The following MUC13 variants were observed in gnomAD, a reference collection of about 807,000 sequenced individuals.
MUC13 encodes the protein mucin 13, cell surface associated.
A neutral mutation model predicts 48.3 loss-of-function variants in MUC13; 32 were observed. The ratio of observed to expected loss-of-function variants is 0.66; its 90% CI spans 0.50 to 0.89. The LOEUF (loss-of-function observed/expected upper bound fraction) is 0.89. Ranked by LOEUF, MUC13 falls within the 40% of genes least tolerant of loss-of-function variation. The pLI is 0.00. For synonymous variants in MUC13, 199 were observed against 224.9 expected, an observed-to-expected ratio of 0.88 and a Z score of 1.03; for missense variants, 571 against 622.8, an observed-to-expected ratio of 0.92 and a Z score of 0.88.
intron 6 of MUC13, among the ~76,000 whole-genome samples, 198 bp downstream of exon 6, chr3:124,916,119 T>A (rs947257487): frequency 6.6e-6 from 1 of 152,190 alleles, no homozygotes. Flanking sequence ...GTCAGTTTGA[T>A]GACTTGGGAC....
At chr3:124,909,485 CGT>C (rs71148156) in intron 10 of MUC13, among the ~76,000 whole-genome samples, 2,021 of 148,352 alleles carry the variant, frequency 0.014, 28 homozygotes, top group East Asian at 0.028. Flanking sequence ...TGTGTGCTTG[CGT>C]GTGTGTGTGT....
In MUC13 at chr3:124,913,589, G is replaced by T. The variant is rs1935461115; in HGVS notation, c.1057C>A (p.Pro353Thr). ...ACDCKSDLQRPNPQSPFCVAS... is the reference protein window; with the variant it reads ...ACDCKSDLQRTNPQSPFCVAS... The stretch of plus-strand genomic sequence containing the variant: ...ACGCAGAAAGGGCTCTGTGGGTTAG[G>T]CCTTTGCAGGTCAGATTTGCAATCG... Residue 353 changes from proline to threonine, a missense_variant, in exon 7 of 12, where the codon CCT becomes ACT. Transcript: ENST00000616727. 3.7e-6 allele frequency: 6 copies of T among 1,614,218 alleles called. No homozygotes were observed. The East Asian group carries it at 1.3e-4, about 36-fold the overall frequency.
At chr3:124,933,050 A>T (rs1474671386) in intron 1 of MUC13, among the ~76,000 whole-genome samples, 1 of 152,112 alleles carries the variant, frequency 6.6e-6, no homozygotes, top group Non-Finnish European at 1.5e-5. Context: ...TTTGTCCTGA[A>T]GGCTTGGACC....
chr3:124,911,976 C>A, intron 9 of MUC13, 128 bp downstream of exon 9: 2 of 1,289,172 alleles, frequency 1.6e-6, no homozygotes, highest in Non-Finnish European at 2.1e-6. Flanking sequence ...AAACTGGAGG[C>A]AGATGGTCTC....
In MUC13 at chr3:124,916,598, T is replaced by A. The variant is rs1402906456; in HGVS notation, c.801-118A>T. ...GTCCTGACCCGCTGTCCTGTCCCTA[T>A]GATTCGGACCCACATATGGAGGCCG... On this transcript the variant is annotated intron_variant, in intron 5 of 11. Transcript: ENST00000616727. The A allele has an allele frequency of 2.8e-6, 3 of 1,072,978 alleles. No individual in the cohort carries two copies. The East Asian group carries it at 7.8e-5, about 28-fold the overall frequency. 66.5% of individuals were successfully genotyped at this position (1,072,978 alleles called of 1,614,324 possible). A position where few individuals can be genotyped will look rare whatever the true frequency, so the allele number is the denominator to read the frequency against.
chr3:124,927,592 G>T lies in MUC13; in HGVS notation c.454C>A (p.Gln152Lys), dbSNP rs1322683515. Reference protein sequence around the residue: ...NEMSPTTEDNQSSGPPTGTAL... With the variant: ...NEMSPTTEDNKSSGPPTGTAL... ...GTGCCAGTGGGAGGCCCTGATGATT[G>T]ATTGTCTTCTGTGGTGGGGGACATT... is the stretch of plus-strand genomic sequence containing the variant. Residue 152 changes from glutamine (Q) to lysine (K), a missense_variant, in exon 2 of 12, where the codon CAA (glutamine) becomes AAA (lysine). Physicochemically the swap from Gln to Lys is moderately conservative, Grantham distance 53. Transcript: ENST00000616727. The T allele has an allele frequency of 6.2e-7, 1 of 1,614,098 alleles. No individual in the cohort carries two copies. Among genetic ancestry groups the T allele is most frequent in the East Asian group, 2.2e-5 (1 of 44,894 alleles).
chr3:124,916,431 T>C lies in MUC13; in HGVS notation c.850A>G (p.Asn284Asp). ...GCCAAAATTGTTACTATTGTTACAT[T>C]AACAAACTTGTCATCAGCACGCATT... The part of the protein sequence containing the change: ...SEMRADDKFV[N>D]VTIVTILAET... Residue 284 changes from asparagine (N) to aspartate (D), a missense_variant, in exon 6 of 12, where the codon AAT becomes GAT. Physicochemically the swap from Asn to Asp is conservative, Grantham distance 23. Transcript: ENST00000616727. 1.2e-6 allele frequency: 2 copies of C among 1,613,788 alleles called. No individual in the cohort carries two copies. Among genetic ancestry groups the C allele is most frequent in the Non-Finnish European group, 1.7e-6 (2 of 1,179,894 alleles).
intron 2 of MUC13, among the ~76,000 whole-genome samples, chr3:124,926,574 C>T (rs1184405149): frequency 3.3e-5 from 5 of 152,128 alleles, no homozygotes; most frequent in Non-Finnish European, 7.4e-5. Context: ...GAGGAAGCTA[C>T]CAGAAGTTAA....
At chr3:124,930,492 C>T (rs897532813) in intron 1 of MUC13, among the ~76,000 whole-genome samples, 2 of 152,062 alleles carry the variant, frequency 1.3e-5, no homozygotes, top group African/African-American at 4.8e-5. Context: ...CCAAGAGGAA[C>T]TGTAAAATAA....
chr3:124,930,119 G>A (rs545684956), intron 1 of MUC13, among the ~76,000 whole-genome samples: 112 of 152,318 alleles, frequency 7.4e-4, no homozygotes, highest in Non-Finnish European at 2.2e-4. Flanking sequence ...ATTCTCGGCC[G>A]ATGCCAAAGA....
Position 124,910,550 on chromosome 3 carries a change from T to C in MUC13, c.1253-51A>G. On this transcript the variant is annotated intron_variant, in intron 9 of 11. Transcript: ENST00000616727. Reference sequence around the variant, plus strand: ...AGTCTCCAACAAGCTGGCCCCCAACTGTCTACTGCACAGGTTCGTGTATTC... The same window carrying C: ...AGTCTCCAACAAGCTGGCCCCCAACCGTCTACTGCACAGGTTCGTGTATTC... 4 of 1,608,708 alleles carry C rather than the reference T, an allele frequency of 2.5e-6. No homozygotes were observed. The South Asian group carries it at 3.3e-5, about 13-fold the overall frequency.
Position 124,908,002 on chromosome 3 carries a change from ATCTCTCTC to A in MUC13, c.*137_*144del. On this transcript the variant is annotated intron_variant, in intron 11 of 11. Transcript: ENST00000616727. The stretch of plus-strand genomic sequence containing the variant: ...ACGACAGCAGGGAACTTCCTTTTTG[ATCTCTCTC>A]TCTCTCTCTCTTTCAATTAAGAAAA... 2 of 732,340 alleles carry A rather than the reference ATCTCTCTC, an allele frequency of 2.7e-6. 1 individual carries two copies. The highest frequency in any genetic ancestry group is 4.2e-5 in the South Asian group (2 of 48,108). 45.4% of individuals were successfully genotyped at this position (732,340 alleles called of 1,614,324 possible). A position where few individuals can be genotyped will look rare whatever the true frequency, so the allele number is the denominator to read the frequency against.
At chr3:124,909,788 G>A (rs972386961) in intron 10 of MUC13, among the ~76,000 whole-genome samples, 1 of 152,094 alleles carries the variant, frequency 6.6e-6, no homozygotes, top group East Asian at 1.9e-4. Context: ...GATGAAAATT[G>A]TATTTGACAA....
chr3:124,932,566 C>CAA (rs546487627), intron 1 of MUC13, among the ~76,000 whole-genome samples: 2 of 101,616 alleles, frequency 2.0e-5, no homozygotes, highest in Admixed American at 1.1e-4. Context: ...AACTCGGTCT[C>CAA]AAAAAAAAAA....
chr3:124,926,427 A>G (rs1291852473), intron 2 of MUC13, among the ~76,000 whole-genome samples: 1 of 152,232 alleles, frequency 6.6e-6, no homozygotes, highest in African/African-American at 2.4e-5. Flanking sequence ...TCCTGATCCC[A>G]GGACAGCTGT....
chr3:124,921,461 C>T (rs111501355), intron 4 of MUC13, among the ~76,000 whole-genome samples: 61 of 152,142 alleles, frequency 4.0e-4, no homozygotes, highest in African/African-American at 1.4e-3. Flanking sequence ...TCCACCTCAA[C>T]TTCTAAGACA....
intron 1 of MUC13, among the ~76,000 whole-genome samples, chr3:124,930,523 G>A (rs1027367231): frequency 2.6e-5 from 4 of 152,138 alleles, no homozygotes; most frequent in African/African-American, 9.7e-5. Context: ...TCAATCTATA[G>A]ATAACAGAAA....
At position 124,926,899 on chromosome 3, in the gene MUC13, G is replaced by A. The variant is rs182751812; in HGVS notation, c.514+633C>T. On this transcript the variant is annotated intron_variant, in intron 2 of 11. Coordinates refer to ENST00000616727, the MANE Select transcript of MUC13 (RefSeq NM_033049.4). Reference sequence around the variant, plus strand: ...GATTTCTGTTATAGGCTGAGCTTGGGGAAGTGAAGCAAATGGTTCCTGTTT... The same window carrying A: ...GATTTCTGTTATAGGCTGAGCTTGGAGAAGTGAAGCAAATGGTTCCTGTTT... 5.9e-5 allele frequency among the ~76,000 whole-genome samples: 9 copies of A among 152,296 alleles called. No homozygotes were observed. In the East Asian group the frequency reaches 1.7e-3, roughly 29 times the overall value.
intron 1 of MUC13, among the ~76,000 whole-genome samples, chr3:124,932,593 GA>G (rs538391549): frequency 6.6e-6 from 1 of 151,772 alleles, no homozygotes; most frequent in South Asian, 2.1e-4. Context: ...AGAAAGAAAA[GA>G]AAATCAGATC....
Sources: allele counts gnomAD v4.1 joint callset (sites outside exome capture counted in the v4.1 genomes callset), GRCh38; gene constraint gnomAD v4.1.1; transcripts MANE v1.5; gene names NCBI Gene and HGNC (gene_info 2026-07-23, HGNC 2026-07-21).